The following GREB1L variants were observed in gnomAD, a reference collection of about 807,000 sequenced individuals.
GREB1L encodes GREB1-like protein.
A neutral mutation model predicts 200.8 loss-of-function variants in GREB1L; 17 were observed. The ratio of observed to expected loss-of-function variants is 0.08; its 90% confidence interval spans 0.06 to 0.13. The LOEUF (loss-of-function observed/expected upper bound fraction) is 0.13, where lower values mean the gene tolerates loss of function less well. Among genes scored for constraint, GREB1L ranks in the 10% least tolerant of loss-of-function variants. The probability of loss-of-function intolerance (pLI) is 1.00; values close to 1 mark genes in which losing one functional copy is unlikely to be tolerated. For missense variants in GREB1L, 1,657 were observed against 2,367.7 expected (o/e 0.70, Z 6.23); for synonymous variants, 789 against 893.0 (o/e 0.88, Z 2.08).
chr18:21,409,178 G>T (rs1279359481), intron 7 of GREB1L, among the ~76,000 whole-genome samples: 1 of 152,122 alleles, frequency 6.6e-6, no homozygotes, highest in Non-Finnish European at 1.5e-5. Context: ...CCATATAATG[G>T]AATACCATCC....
chr18:21,494,456 C>G (rs1366161265), intron 19 of GREB1L, among the ~76,000 whole-genome samples: 3 of 152,128 alleles, frequency 2.0e-5, no homozygotes, highest in Non-Finnish European at 2.9e-5. Context: ...CAATCAAACC[C>G]TATTGTCTTT....
At chr18:21,429,567 CCTT>C (rs1362586699) in intron 7 of GREB1L, among the ~76,000 whole-genome samples, 2 of 151,916 alleles carry the variant, frequency 1.3e-5, no homozygotes, top group Non-Finnish European at 2.9e-5. Context: ...AAATGCTCCT[CCTT>C]CTACTTTTTG....
chr18:21,441,299 T>A (rs1393418562), intron 9 of GREB1L, 101 bp from the exon 10 acceptor site: 1 of 999,770 alleles, frequency 1.0e-6, no homozygotes, highest in South Asian at 2.1e-5. Flanking sequence ...ACCATTAGAT[T>A]TCTAATGCTT....
intron 2 of GREB1L, among the ~76,000 whole-genome samples, chr18:21,369,960 AAAAG>A (rs1041962924): frequency 8.7e-5 from 13 of 148,954 alleles, no homozygotes; most frequent in Non-Finnish European, 8.8e-5. Context: ...AAAAAAAAAA[AAAAG>A]AAAAGAAAAG....
intron 15 of GREB1L, among the ~76,000 whole-genome samples, chr18:21,458,870 A>G (rs1005660806): frequency 3.3e-5 from 5 of 152,160 alleles, no homozygotes; most frequent in African/African-American, 1.2e-4. Flanking sequence ...TGGTAGCATA[A>G]TTCTAATTCG....
chr18:21,277,736 C>T (rs1426493462), intron 1 of GREB1L, among the ~76,000 whole-genome samples: 10 of 152,194 alleles, frequency 6.6e-5, no homozygotes, highest in Admixed American at 5.9e-4. Context: ...ATGCCATCCA[C>T]ACCATGCCGT....
chr18:21,393,900 G>A (rs546861587), intron 4 of GREB1L, among the ~76,000 whole-genome samples: 5 of 152,178 alleles, frequency 3.3e-5, no homozygotes, highest in South Asian at 2.1e-4. Context: ...AGCCTTTCTC[G>A]GTTGCAAATG....
intron 17 of GREB1L, among the ~76,000 whole-genome samples, chr18:21,480,846 C>T (rs1411064572): frequency 6.6e-6 from 1 of 151,832 alleles, no homozygotes; most frequent in East Asian, 1.9e-4. Flanking sequence ...ACGGTGAAAC[C>T]CCATCCCTAC....
rs970479225 is a variant in GREB1L at position 21,242,273 on chromosome 18, G to C, written c.-240G>C. On this transcript the variant is annotated 5_prime_UTR_variant, in exon 1 of 33. Coordinates refer to ENST00000424526, the MANE Select transcript of GREB1L (RefSeq NM_001142966.3). ...CCGGCGGCGCTAGCACCTCGGAGTC[G>C]GGCGGCCGGAGCAGCGGAGCGCAGC... 1 of 152,094 alleles carries C rather than the reference G, an allele frequency of 6.6e-6. No homozygotes were observed. Among genetic ancestry groups the C allele is most frequent in the Non-Finnish European group, 1.5e-5 (1 of 68,122 alleles). 9.4% of individuals were successfully genotyped at this position (152,094 alleles called of 1,614,324 possible).
rs1356916044 is a variant in GREB1L at position 21,525,993 on chromosome 18, T to A, written c.*3172T>A. ...AAGACTACTGGTGTTCCACTATACA[T>A]TCCAAAGCAGCTGCCTTGAAAAGAC... On this transcript the variant is annotated 3_prime_UTR_variant, in exon 33 of 33. Coordinates refer to ENST00000424526, the MANE Select transcript of GREB1L (RefSeq NM_001142966.3). Among the ~76,000 whole-genome samples, 1 of 152,202 alleles carries A rather than the reference T, an allele frequency of 6.6e-6. No individual in the cohort carries two copies. The highest frequency in any genetic ancestry group is 2.4e-5 in the African/African-American group (1 of 41,452).
At position 21,451,055 on chromosome 18, in the gene GREB1L, A is replaced by G. The variant is rs1363220549; in HGVS notation, c.1753A>G (p.Met585Val). The G allele has an allele frequency of 1.3e-6, 2 of 1,552,112 alleles. No homozygotes were observed. The highest frequency in any genetic ancestry group is 4.9e-5 in the East Asian group (2 of 40,926). ...QHQSRALAES[M>V]LTTSEFLKEI... is the part of the protein sequence containing the mutation. ...CCAGTCCCGAGCTCTGGCAGAGAGC[A>G]TGCTCACCACAAGTGAGTTTTTGAA... The change falls in exon 13 of 33, where the codon ATG (methionine) becomes GTG (valine). Residue 585 changes from methionine (M) to valine (V), a missense_variant. Met to Val is a conservative substitution (Grantham distance 21, BLOSUM62 1). Around this residue, in one of 9 missense-constraint regions of GREB1L, gnomAD observed 239 missense variants for 421.8 expected, o/e 0.57. Transcript: ENST00000424526.
rs2034057010 is a variant in GREB1L at position 21,443,882 on chromosome 18, TC to T, written c.1208-341del. ...TACACATCACGTCATTCACATGAAT[TC>T]AGTGTACTACTCAGCCCACAGCAAA... On this transcript the variant is annotated intron_variant, in intron 10 of 32. Coordinates refer to ENST00000424526, the MANE Select transcript of GREB1L (RefSeq NM_001142966.3). Among the ~76,000 whole-genome samples, 3 of 152,364 alleles carry T rather than the reference TC, an allele frequency of 2.0e-5. No homozygotes were observed. In the South Asian group the frequency reaches 6.2e-4, roughly 32 times the overall value.
chr18:21,398,089 A>G (rs1445592587), intron 5 of GREB1L, among the ~76,000 whole-genome samples: 1 of 152,216 alleles, frequency 6.6e-6, no homozygotes, highest in African/African-American at 2.4e-5. Flanking sequence ...CTTTGTGACT[A>G]GAGAATCCTC....
intron 1 of GREB1L, among the ~76,000 whole-genome samples, chr18:21,243,272 G>T (rs1184584769): frequency 6.6e-6 from 1 of 152,126 alleles, no homozygotes; most frequent in Non-Finnish European, 1.5e-5. Flanking sequence ...AGTTACATGA[G>T]TCCAAGGAAC....
intron 1 of GREB1L, among the ~76,000 whole-genome samples, chr18:21,289,532 G>A (rs1459059933): frequency 1.3e-5 from 2 of 151,818 alleles, no homozygotes; most frequent in East Asian, 3.9e-4. Flanking sequence ...GACACAGTGA[G>A]ACCATCCCCC....
At chr18:21,455,282 A>G (rs924223755) in intron 15 of GREB1L, among the ~76,000 whole-genome samples, 1 of 151,786 alleles carries the variant, frequency 6.6e-6, no homozygotes, top group Admixed American at 6.6e-5. Flanking sequence ...ACGAAATTAT[A>G]AATGTCAAGT....
Position 21,312,716 on chromosome 18 carries a change from A to G in GREB1L, c.-119-53311A>G, listed in dbSNP as rs141614835. Among the ~76,000 whole-genome samples, 1,148 of 151,982 alleles carry G rather than the reference A, an allele frequency of 7.6e-3. 21 individuals are homozygous for G. The highest frequency in any genetic ancestry group is 0.026 in the African/African-American group (1,067 of 41,466). On this transcript the variant is annotated intron_variant, in intron 1 of 32. Transcript: ENST00000424526. ...CTACAGGCGCATGCCACCATGCCCA[A>G]CTAATTTTTGTATTTTCAATAGAGA...
At chr18:21,355,755 G>A (rs141069642) in intron 1 of GREB1L, among the ~76,000 whole-genome samples, 1 of 152,188 alleles carries the variant, frequency 6.6e-6, no homozygotes, top group East Asian at 1.9e-4. Flanking sequence ...TTAGTGACAC[G>A]GATTTATTGA....
At chr18:21,468,920 A>G (rs1598889868) in intron 15 of GREB1L, 4 of 404,244 alleles carry the variant, frequency 9.9e-6, no homozygotes, top group Admixed American at 8.4e-5. Context: ...CACAAAAGTG[A>G]TACTGTGTCC....
Sources: gnomAD v4.1 joint callset for allele counts (sites outside exome capture counted in the v4.1 genomes callset) on GRCh38, gnomAD v4.1.1 for gene constraint, gnomAD v4.1.1 regional missense constraint, MANE v1.5 for transcripts, NCBI Gene and HGNC (gene_info 2026-07-23, HGNC 2026-07-21) for gene names.